HSD17B8: variants seen among roughly 807,000 people sequenced by gnomAD.
HSD17B8 encodes the protein hydroxysteroid 17-beta dehydrogenase 8.
HSD17B8 carries 23 observed loss-of-function variants against 33.2 expected under a neutral mutation model. The ratio of observed to expected loss-of-function variants is 0.69; its 90% confidence interval spans 0.50 to 0.98. The LOEUF is 0.98. Ranked by LOEUF, HSD17B8 falls within the 50% of genes least tolerant of loss-of-function variation. The pLI, the probability that HSD17B8 is intolerant of heterozygous loss-of-function variation, is 0.00. For synonymous variants in HSD17B8, 137 were observed against 138.6 expected (o/e 0.99, Z 0.08); for missense variants, 345 against 347.5 (o/e 0.99, Z 0.06).
rs1415803475 is a variant in HSD17B8 at position 33,206,452 on chromosome 6, A to G, written c.769+3A>G. ...AGGGACCTCAGTGGAAGTCACTGGT[A>G]TGAGGCCAGCATGGGGAGGGAGAGG... On this transcript the variant is annotated splice_donor_region_variant and intron_variant, in intron 8 of 8. Coordinates refer to ENST00000374662, the MANE Select transcript of HSD17B8 (RefSeq NM_014234.5). This position sits in a 1 kb window ranked among gnomAD's most constrained non-coding sequence, Gnocchi z 6.2. 4 of 1,612,892 alleles carry G rather than the reference A, an allele frequency of 2.5e-6. No individual in the cohort carries two copies. Among genetic ancestry groups the G allele is most frequent in the South Asian group, 1.1e-5 (1 of 91,060 alleles).
In HSD17B8 at chr6:33,206,138, C is replaced by G. The variant is rs1775044650; in HGVS notation, c.656C>G (p.Thr219Ser). 2 of 1,612,856 alleles carry G rather than the reference C, an allele frequency of 1.2e-6. No homozygotes were observed. Among genetic ancestry groups the G allele is most frequent in the Non-Finnish European group, 1.7e-6 (2 of 1,179,884 alleles). The change falls in exon 7 of 9, where the codon ACT becomes AGT. Residue 219 changes from threonine to serine, a missense_variant. Transcript: ENST00000374662. The surrounding 1 kb of genome is among the most constrained non-coding windows in gnomAD (Gnocchi z 6.2). ...CACATGAGTATTTCCTTACAGATTA[C>G]TGAAATGATCCCGATGGGACACTTG... ...KVPQKVVDKI[T>S]EMIPMGHLGD...
At chr6:33,204,759 G>T (rs1467835055) in intron 1 of HSD17B8, 39 bp downstream of exon 1, 2 of 1,611,618 alleles carry the variant, frequency 1.2e-6, no homozygotes, top group East Asian at 2.2e-5. Context: ...TGGGGTATTG[G>T]AGTGAGGTCA....
Position 33,205,054 on chromosome 6 carries a change from C to G in HSD17B8, c.205C>G (p.His69Asp), listed in dbSNP as rs754817548. The G allele has an allele frequency of 1.3e-6, 2 of 1,558,106 alleles. No individual in the cohort carries two copies. The highest frequency in any genetic ancestry group is 1.9e-5 in the Admixed American group (1 of 52,158). Residue 69 changes from histidine to aspartate, a missense_variant, in exon 2 of 9, where the codon CAT (histidine) becomes GAT (aspartate). Physicochemically the swap from His to Asp is moderately conservative, Grantham distance 81 (BLOSUM62 -1). Transcript: ENST00000374662. This position sits in a 1 kb window ranked among gnomAD's most constrained non-coding sequence, Gnocchi z 5.0. ...GSKEGPPRGN[H>D]AAFQADVSEA... The stretch of plus-strand genomic sequence containing the variant: ...CAAGGAGGGGCCGCCCCGAGGGAAC[C>G]ATGCTGCCTTCCAGGCTGACGTGTC...
rs371246735 is a variant in HSD17B8 at position 33,206,672 on chromosome 6, GACTCTGCTC to G, written c.*21_*29del. 1 of 1,613,396 alleles carries G rather than the reference GACTCTGCTC, an allele frequency of 6.2e-7. No homozygotes were observed. The highest frequency in any genetic ancestry group is 1.3e-5 in the African/African-American group (1 of 74,930). ...TCATGTAACTGCCTCAAGGACCCTGGACTCTGCTCACCCCCCCACCACTCTGCCTGGCCT... is the reference window on the plus strand; with the variant it reads ...TCATGTAACTGCCTCAAGGACCCTGGACCCCCCCACCACTCTGCCTGGCCT... On this transcript the variant is annotated 3_prime_UTR_variant, in exon 9 of 9. Transcript: ENST00000374662. The surrounding 1 kb of genome is among the most constrained non-coding windows in gnomAD (Gnocchi z 6.2).
In HSD17B8 at chr6:33,205,008, G is replaced by T; in HGVS notation, c.159G>T (p.Arg53=). 6.6e-7 allele frequency: 1 copy of T among 1,506,374 alleles called. No individual in the cohort carries two copies. The highest frequency in any genetic ancestry group is 8.8e-7 in the Non-Finnish European group (1 of 1,133,614). The allele number at this position is 1,506,374 out of a possible 1,614,324, so 93.3% of individuals were successfully genotyped here. Residue 53 remains arginine (R), a synonymous_variant, in exon 2 of 9, where the codon CGG becomes CGT. Transcript: ENST00000374662. This position sits in a 1 kb window ranked among gnomAD's most constrained non-coding sequence, Gnocchi z 5.0. ...LDRAAAQETV[R]LLGGPGSKEG... is the part of the protein sequence containing the mutation. ...GGGCAGCGGCACAGGAGACGGTGCG[G>T]CTGCTGGGCGGGCCAGGGAGCAAGG...
rs563903455 is a variant in HSD17B8, at chr6:33,204,989, C to T, written c.140C>T (p.Ala47Val). 1.5e-5 allele frequency: 22 copies of T among 1,487,910 alleles called. No individual in the cohort carries two copies. Among genetic ancestry groups the T allele is most frequent in the South Asian group, 2.8e-5 (2 of 71,958 alleles). 92.2% of individuals were successfully genotyped at this position (1,487,910 alleles called of 1,614,324 possible). The stretch of plus-strand genomic sequence containing the variant: ...GCTGCCTGCGACCTGGACCGGGCAG[C>T]GGCACAGGAGACGGTGCGGCTGCTG... ...TVAACDLDRA[A>V]AQETVRLLGG... Residue 47 changes from alanine (A) to valine (V), a missense_variant, in exon 2 of 9, where the codon GCG (alanine) becomes GTG (valine). Ala to Val is a moderately conservative substitution (Grantham distance 64). Coordinates refer to ENST00000374662, the MANE Select transcript of HSD17B8 (RefSeq NM_014234.5).
chr6:33,206,153 T>A lies in HSD17B8; in HGVS notation c.671T>A (p.Met224Lys), dbSNP rs1412835585. The A allele has an allele frequency of 6.2e-7, 1 of 1,612,942 alleles. No homozygotes were observed. Among genetic ancestry groups the A allele is most frequent in the Non-Finnish European group, 8.5e-7 (1 of 1,179,926 alleles). Reference protein sequence around the residue: ...VVDKITEMIPMGHLGDPEDVA... With the variant: ...VVDKITEMIPKGHLGDPEDVA... ...TTACAGATTACTGAAATGATCCCGA[T>A]GGGACACTTGGGGGACCCTGAGGGT... The change falls in exon 7 of 9, where the codon ATG (methionine) becomes AAG (lysine). Residue 224 changes from methionine (M) to lysine (K), a missense_variant. Transcript: ENST00000374662. This position sits in a 1 kb window ranked among gnomAD's most constrained non-coding sequence, Gnocchi z 6.2.
rs550245851 is a variant in HSD17B8, at chr6:33,206,716, G to A, written c.*62G>A. 5 of 1,550,944 alleles carry A rather than the reference G, an allele frequency of 3.2e-6. No individual in the cohort carries two copies. In the African/African-American group the frequency reaches 5.4e-5, roughly 17 times the overall value. ...CCACTCTGCCTGGCCTCCTGCTGAT[G>A]AGGACTCTAAGTTCCCAGGATACAA... On this transcript the variant is annotated 3_prime_UTR_variant, in exon 9 of 9. Transcript: ENST00000374662. This position sits in a 1 kb window ranked among gnomAD's most constrained non-coding sequence, Gnocchi z 6.2.
At position 33,205,904 on chromosome 6, in the gene HSD17B8, G is replaced by A. The variant is rs1345599834; in HGVS notation, c.643G>A (p.Val215Met). The stretch of plus-strand genomic sequence containing the variant: ...GACACAGAAAGTGCCACAGAAAGTG[G>A]TGGACAAGGTAGGAGGCTGTGGGTG... ...PMTQKVPQKV[V>M]DKITEMIPMG... Residue 215 changes from valine (V) to methionine (M), a missense_variant, in exon 6 of 9, where the codon GTG becomes ATG. Transcript: ENST00000374662. This position sits in a 1 kb window ranked among gnomAD's most constrained non-coding sequence, Gnocchi z 5.0. 2 of 1,612,346 alleles carry A rather than the reference G, an allele frequency of 1.2e-6. No homozygotes were observed. The highest frequency in any genetic ancestry group is 1.7e-5 in the Admixed American group (1 of 59,988).
In HSD17B8 at chr6:33,206,567, A is replaced by G; in HGVS notation, c.770-71A>G. On this transcript the variant is annotated intron_variant, in intron 8 of 8. Coordinates refer to ENST00000374662, the MANE Select transcript of HSD17B8 (RefSeq NM_014234.5). The surrounding 1 kb of genome is among the most constrained non-coding windows in gnomAD (Gnocchi z 6.2). ...GGCAGAGGTTCCCAAGGCCAGGGAC[A>G]GAAGTGGGTACCCCCTAGCCCATTT... The G allele has an allele frequency of 1.3e-6, 2 of 1,580,328 alleles. No individual in the cohort carries two copies. Among genetic ancestry groups the G allele is most frequent in the Non-Finnish European group, 1.7e-6 (2 of 1,149,412 alleles).
chr6:33,204,795 C>T, intron 1 of HSD17B8, 75 bp downstream of exon 1: 6 of 1,590,226 alleles, frequency 3.8e-6, no homozygotes, highest in Admixed American at 3.5e-5. Flanking sequence ...AGTGCGCGGC[C>T]GCTGTGACCT....
In HSD17B8 at chr6:33,205,034, A is replaced by G. The variant is rs760163346; in HGVS notation, c.185A>G (p.Glu62Gly). 5.8e-6 allele frequency: 9 copies of G among 1,543,902 alleles called. No homozygotes were observed. In the South Asian group the frequency reaches 1.1e-4, roughly 19 times the overall value. Residue 62 changes from glutamate to glycine, a missense_variant, in exon 2 of 9, where the codon GAG (glutamate) becomes GGG (glycine). Coordinates refer to ENST00000374662, the MANE Select transcript of HSD17B8 (RefSeq NM_014234.5). This position sits in a 1 kb window ranked among gnomAD's most constrained non-coding sequence, Gnocchi z 5.0. ...VRLLGGPGSK[E>G]GPPRGNHAAF... Reference sequence around the variant, plus strand: ...CTGCTGGGCGGGCCAGGGAGCAAGGAGGGGCCGCCCCGAGGGAACCATGCT... The same window carrying G: ...CTGCTGGGCGGGCCAGGGAGCAAGGGGGGGCCGCCCCGAGGGAACCATGCT...
chr6:33,206,487 T>G lies in HSD17B8; in HGVS notation c.769+38T>G, dbSNP rs1775073496. 1.3e-6 allele frequency: 2 copies of G among 1,590,382 alleles called. No individual in the cohort carries two copies. The highest frequency in any genetic ancestry group is 1.7e-6 in the Non-Finnish European group (2 of 1,158,640). On this transcript the variant is annotated intron_variant, in intron 8 of 8. Coordinates refer to ENST00000374662, the MANE Select transcript of HSD17B8 (RefSeq NM_014234.5). The surrounding 1 kb of genome is among the most constrained non-coding windows in gnomAD (Gnocchi z 6.2). Reference sequence around the variant, plus strand: ...CATGGGGAGGGAGAGGGCAGAGAAGTAGAACCCAGACTATATGAGAAAGCA... The same window carrying G: ...CATGGGGAGGGAGAGGGCAGAGAAGGAGAACCCAGACTATATGAGAAAGCA...
chr6:33,204,927 G>A lies in HSD17B8; in HGVS notation c.78G>A (p.Ala26=), dbSNP rs1774922927. The A allele has an allele frequency of 6.8e-7, 1 of 1,465,792 alleles. No homozygotes were observed. The highest frequency in any genetic ancestry group is 9.0e-7 in the Non-Finnish European group (1 of 1,109,878). 90.8% of individuals were successfully genotyped at this position (1,465,792 alleles called of 1,614,324 possible). A position where few individuals can be genotyped will look rare whatever the true frequency, so the allele number is the denominator to read the frequency against. ...VTGAGSGIGR[A]VSVRLAGEGA... ...GTGCGGGGAGCGGCATCGGCCGAGCGGTCAGTGTACGCCTGGCCGGAGAGG... is the reference window on the plus strand; with the variant it reads ...GTGCGGGGAGCGGCATCGGCCGAGCAGTCAGTGTACGCCTGGCCGGAGAGG... The change falls in exon 2 of 9, where the codon GCG becomes GCA. Residue 26 remains alanine (A), a synonymous_variant. Transcript: ENST00000374662.
At position 33,206,611 on chromosome 6, in the gene HSD17B8, C is replaced by A. The variant is rs369503455; in HGVS notation, c.770-27C>A. The stretch of plus-strand genomic sequence containing the variant: ...CCCATTTGTGTCTCCACCCATGCAT[C>A]TGTCCAAATGTTTCTGCCCCTCCCA... On this transcript the variant is annotated intron_variant, in intron 8 of 8. Coordinates refer to ENST00000374662, the MANE Select transcript of HSD17B8 (RefSeq NM_014234.5). This position sits in a 1 kb window ranked among gnomAD's most constrained non-coding sequence, Gnocchi z 6.2. 1 of 1,613,544 alleles carries A rather than the reference C, an allele frequency of 6.2e-7. No homozygotes were observed. The highest frequency in any genetic ancestry group is 8.5e-7 in the Non-Finnish European group (1 of 1,179,488).
Position 33,205,151 on chromosome 6 carries a change from C to A in HSD17B8, c.270+32C>A. The A allele has an allele frequency of 1.3e-6, 2 of 1,598,186 alleles. No individual in the cohort carries two copies. Among genetic ancestry groups the A allele is most frequent in the Non-Finnish European group, 1.7e-6 (2 of 1,171,546 alleles). Reference sequence around the variant, plus strand: ...GCTAGGCCACTTTCCCCCTCTAAAGCTCTGATATTGCCTCCACTGCCCCGG... The same window carrying A: ...GCTAGGCCACTTTCCCCCTCTAAAGATCTGATATTGCCTCCACTGCCCCGG... On this transcript the variant is annotated intron_variant, in intron 2 of 8. Transcript: ENST00000374662. This position sits in a 1 kb window ranked among gnomAD's most constrained non-coding sequence, Gnocchi z 5.0.
Position 33,205,375 on chromosome 6 carries a change from G to A in HSD17B8, c.387+38G>A, listed in dbSNP as rs1774960334. 3 of 1,605,758 alleles carry A rather than the reference G, an allele frequency of 1.9e-6. No homozygotes were observed. The highest frequency in any genetic ancestry group is 2.6e-6 in the Non-Finnish European group (3 of 1,173,278). On this transcript the variant is annotated intron_variant, in intron 3 of 8. Transcript: ENST00000374662. This position sits in a 1 kb window ranked among gnomAD's most constrained non-coding sequence, Gnocchi z 5.0. ...GAACCTGCGACGTTTGGCCCCCTTA[G>A]CCTGGGGAGGGAGTTGGAGGAGGGC...
At position 33,205,446 on chromosome 6, in the gene HSD17B8, G is replaced by T; in HGVS notation, c.388-1G>T. 1 of 1,613,158 alleles carries T rather than the reference G, an allele frequency of 6.2e-7. No homozygotes were observed. The highest frequency in any genetic ancestry group is 1.1e-5 in the South Asian group (1 of 91,090). On this transcript the variant is annotated splice_acceptor_variant, in intron 3 of 8. Coordinates refer to ENST00000374662, the MANE Select transcript of HSD17B8 (RefSeq NM_014234.5). LOFTEE classifies it high-confidence loss of function. This position sits in a 1 kb window ranked among gnomAD's most constrained non-coding sequence, Gnocchi z 5.0. ...TCTCCCTTGTTACCCTTTCCCGCCA[G>T]GGCACCTTCCTAGTCACTCAGGCTG...
chr6:33,205,672 A>T lies in HSD17B8; in HGVS notation c.513A>T (p.Ala171=). The T allele has an allele frequency of 6.2e-7, 1 of 1,613,104 alleles. No individual in the cohort carries two copies. ...VGNVGQTNYA[A]SKAGVIGLTQ... ...ACGTGGGGCAGACAAACTATGCAGCATCCAAGGCTGGAGTGATTGGGCTGA... is the reference window on the plus strand; with the variant it reads ...ACGTGGGGCAGACAAACTATGCAGCTTCCAAGGCTGGAGTGATTGGGCTGA... The change falls in exon 5 of 9, where the codon GCA becomes GCT. Residue 171 remains alanine (A), a synonymous_variant. Coordinates refer to ENST00000374662, the MANE Select transcript of HSD17B8 (RefSeq NM_014234.5). This position sits in a 1 kb window ranked among gnomAD's most constrained non-coding sequence, Gnocchi z 5.0.
Sources: gnomAD v4.1 joint callset for allele counts on GRCh38, gnomAD v4.1.1 for gene constraint, Gnocchi (gnomAD v3.1) non-coding constraint, MANE v1.5 for transcripts, NCBI Gene and HGNC (gene_info 2026-07-23, HGNC 2026-07-21) for gene names.